CDH12: variants seen among roughly 807,000 people sequenced by gnomAD.
The protein encoded by CDH12 is cadherin 12, also known as cadherin-12.
CDH12 carries 41 observed loss-of-function variants against 74.1 expected under a neutral mutation model. That is an observed-to-expected ratio of 0.55 (90% CI 0.43 to 0.72). The LOEUF (loss-of-function observed/expected upper bound fraction) is 0.72, where lower values mean the gene tolerates loss of function less well. CDH12 is among the 30% of genes least tolerant of loss of function. The pLI is 0.00. For missense variants in CDH12, 945 were observed against 977.2 expected, an observed-to-expected ratio of 0.97 and a Z score of 0.44; for synonymous variants, 399 against 355.0, an observed-to-expected ratio of 1.12 and a Z score of -1.39.
At position 22,668,129 on chromosome 5, in the gene CDH12, GTCTT is replaced by G. The variant is rs562312614; in HGVS notation, c.-522-162769_-522-162766del. 4.0e-4 allele frequency among the ~76,000 whole-genome samples: 61 copies of G among 152,150 alleles called. 1 individual carries two copies. The South Asian group carries it at 0.012, about 31-fold the overall frequency. On this transcript the variant is annotated intron_variant, in intron 1 of 14. Transcript: ENST00000382254. Reference sequence around the variant, plus strand: ...TTCCTCATTTAAATTGTGCTACTTAGTCTTTCTAATTTATTTTATTATCAGCTTA... The same window carrying G: ...TTCCTCATTTAAATTGTGCTACTTAGTCTAATTTATTTTATTATCAGCTTA...
chr5:22,625,150 G>T (rs1218770921), intron 1 of CDH12, among the ~76,000 whole-genome samples: 1 of 152,032 alleles, frequency 6.6e-6, no homozygotes, highest in Non-Finnish European at 1.5e-5. Context: ...TCACACACCG[G>T]GGCCTGTCTT....
At chr5:22,135,618 C>T (rs530106635) in intron 4 of CDH12, among the ~76,000 whole-genome samples, 8 of 151,580 alleles carry the variant, frequency 5.3e-5, no homozygotes, top group Non-Finnish European at 8.8e-5. Context: ...ATATTCAGAC[C>T]GAGTGGTCTT....
chr5:22,365,483 G>C (rs542171699), intron 3 of CDH12, among the ~76,000 whole-genome samples: 1 of 152,294 alleles, frequency 6.6e-6, no homozygotes, highest in East Asian at 1.9e-4. Flanking sequence ...CATTTGAAAA[G>C]AGCTTGTAGT....
At chr5:21,974,118 G>A (rs1756966045) in intron 6 of CDH12, among the ~76,000 whole-genome samples, 1 of 152,160 alleles carries the variant, frequency 6.6e-6, no homozygotes, top group African/African-American at 2.4e-5. Context: ...CCTCAGGGTA[G>A]CGTGCACAAT....
At chr5:21,908,688 G>A (rs1248439355) in intron 6 of CDH12, among the ~76,000 whole-genome samples, 1 of 152,144 alleles carries the variant, frequency 6.6e-6, no homozygotes, top group Non-Finnish European at 1.5e-5. Flanking sequence ...GGTGCAGCAG[G>A]AGAAGTTGCA....
chr5:22,301,298 G>A (rs1379504868), intron 3 of CDH12, among the ~76,000 whole-genome samples: 1 of 152,108 alleles, frequency 6.6e-6, no homozygotes, highest in Non-Finnish European at 1.5e-5. Context: ...TCACCAAATA[G>A]TTGTCAGGGG....
At chr5:22,384,525 CA>C (rs754149045) in intron 3 of CDH12, among the ~76,000 whole-genome samples, 16 of 68,818 alleles carry the variant, frequency 2.3e-4, no homozygotes, top group South Asian at 6.5e-4. Context: ...AACTCCGTCT[CA>C]AAAAAAAAAA....
chr5:21,984,360 C>G (rs1371370283), intron 5 of CDH12, among the ~76,000 whole-genome samples: 2 of 152,156 alleles, frequency 1.3e-5, no homozygotes, highest in Non-Finnish European at 2.9e-5. Context: ...TTTATGCATT[C>G]TCAAGCATAT....
At position 22,501,746 on chromosome 5, in the gene CDH12, TA is replaced by T. The variant is rs11379349; in HGVS notation, c.-428+3523del. Among the ~76,000 whole-genome samples the T allele has an allele frequency of 8.1e-3, 1,168 of 143,708 alleles. 21 individuals are homozygous for T. The highest frequency in any genetic ancestry group is 0.068 in the East Asian group (329 of 4,840). The allele number at this position is 143,708 out of a possible 152,430, so 94.3% of individuals were successfully genotyped here. A position where few individuals can be genotyped will look rare whatever the true frequency, so the allele number is the denominator to read the frequency against. ...TTTAGTTATGCCTTACAAAGTATAT[TA>T]AAAAAAAAAAAAAACAGATGGCTCT... On this transcript the variant is annotated intron_variant, in intron 2 of 14. Transcript: ENST00000382254.
At chr5:22,714,227 G>T (rs910647608) in intron 1 of CDH12, among the ~76,000 whole-genome samples, 1 of 152,244 alleles carries the variant, frequency 6.6e-6, no homozygotes, top group East Asian at 1.9e-4. Context: ...TTGGGCACTT[G>T]ATTCTAACTA....
chr5:22,294,402 C>T (rs1003231929), intron 3 of CDH12, among the ~76,000 whole-genome samples: 1 of 152,110 alleles, frequency 6.6e-6, no homozygotes, highest in Admixed American at 6.5e-5. Flanking sequence ...AAACTGTTAC[C>T]CCCCAGACAC....
At chr5:22,096,543 T>A (rs968666436) in intron 4 of CDH12, among the ~76,000 whole-genome samples, 3 of 152,082 alleles carry the variant, frequency 2.0e-5, no homozygotes, top group Admixed American at 2.0e-4. Flanking sequence ...TCCTCCACCC[T>A]ATAATCCTTT....
chr5:22,403,146 C>T (rs1048749844), intron 3 of CDH12, among the ~76,000 whole-genome samples: 1 of 152,152 alleles, frequency 6.6e-6, no homozygotes, highest in African/African-American at 2.4e-5. Context: ...AGGACCAACC[C>T]TACTGGTAAG....
intron 7 of CDH12, among the ~76,000 whole-genome samples, chr5:21,853,046 A>C (rs1750555660): frequency 6.6e-6 from 1 of 151,574 alleles, no homozygotes; most frequent in African/African-American, 2.4e-5. Flanking sequence ...CTGTAGGATC[A>C]TAAACTTCAT....
chr5:22,025,692 T>C (rs1438922105), intron 5 of CDH12, among the ~76,000 whole-genome samples: 1 of 152,158 alleles, frequency 6.6e-6, no homozygotes, highest in African/African-American at 2.4e-5. Context: ...CTATCCACAG[T>C]AGGACTCCTT....
At chr5:22,084,529 T>C (rs968877061) in intron 4 of CDH12, among the ~76,000 whole-genome samples, 4 of 152,148 alleles carry the variant, frequency 2.6e-5, no homozygotes, top group Non-Finnish European at 5.9e-5. Flanking sequence ...AGCTATACAA[T>C]AAATATGACT....
chr5:22,365,766 T>A (rs1741003286), intron 3 of CDH12, among the ~76,000 whole-genome samples: 1 of 152,178 alleles, frequency 6.6e-6, no homozygotes. Flanking sequence ...TCAACATCAG[T>A]ATCATGCCAG....
chr5:22,734,105 T>C (rs1352365526), intron 1 of CDH12, among the ~76,000 whole-genome samples: 3 of 152,004 alleles, frequency 2.0e-5, no homozygotes, highest in African/African-American at 7.2e-5. Flanking sequence ...TGTCTTAGTT[T>C]CTTCAAATGT....
intron 1 of CDH12, among the ~76,000 whole-genome samples, chr5:22,784,990 T>G (rs1747553444): frequency 6.6e-6 from 1 of 152,140 alleles, no homozygotes; most frequent in Non-Finnish European, 1.5e-5. Flanking sequence ...TGGGATAAAT[T>G]TAATGATCCT....
Sources: gnomAD v4.1 joint callset for allele counts (sites outside exome capture counted in the v4.1 genomes callset) on GRCh38, gnomAD v4.1.1 for gene constraint, MANE v1.5 for transcripts, NCBI Gene and HGNC (gene_info 2026-07-23, HGNC 2026-07-21) for gene names.